The following SAFB variants were observed in gnomAD, a reference collection of about 807,000 sequenced individuals.
SAFB encodes scaffold attachment factor B.
In SAFB, 15 loss-of-function variants were observed where a neutral mutation model predicts 101.6. The observed-to-expected ratio is 0.15, with a 90% CI of 0.10 to 0.23. SAFB has a LOEUF of 0.23. Ranked by LOEUF, SAFB falls within the 10% of genes least tolerant of loss-of-function variation. The pLI, the probability that SAFB is intolerant of heterozygous loss-of-function variation, is 1.00. For missense variants in SAFB, 930 were observed against 1,104.1 expected (o/e 0.84, Z 2.23); for synonymous variants, 449 against 407.5 (o/e 1.10, Z -1.23).
chr19:5,623,830 T>G (rs1335813107), intron 1 of SAFB: 1 of 164,904 alleles, frequency 6.1e-6, no homozygotes, highest in African/African-American at 2.4e-5. Context: ...ATTCGGCTGC[T>G]TGGTTTCCCC....
chr19:5,631,948 G>T (rs768323834), intron 2 of SAFB, among the ~76,000 whole-genome samples: 2 of 152,178 alleles, frequency 1.3e-5, no homozygotes, highest in Admixed American at 6.5e-5. Flanking sequence ...TCAGGAGACT[G>T]AGGTGGGAGG....
At chr19:5,652,996 T>TC in intron 9 of SAFB, 119 bp from the exon 10 acceptor site, 1 of 954,008 alleles carries the variant, frequency 1.0e-6, no homozygotes, top group Non-Finnish European at 1.6e-6. Context: ...AGCATTGTCC[T>TC]CCCCAGTCTA....
intron 6 of SAFB, 117 bp from the exon 7 acceptor site, chr19:5,648,872 G>A: frequency 2.1e-6 from 1 of 473,674 alleles, no homozygotes; most frequent in Non-Finnish European, 4.0e-6. Context: ...TCCAATCTCT[G>A]TGTAGCTAGC....
Position 5,623,106 on chromosome 19 carries a change from CTG to C in SAFB, c.-99_-98del. The C allele has an allele frequency of 8.1e-7, 1 of 1,240,214 alleles. No homozygotes were observed. The highest frequency in any genetic ancestry group is 1.1e-6 in the Non-Finnish European group (1 of 883,742). 76.8% of individuals were successfully genotyped at this position (1,240,214 alleles called of 1,614,324 possible). On this transcript the variant is annotated 5_prime_UTR_variant, in exon 1 of 21. Coordinates refer to ENST00000588852, the MANE Select transcript of SAFB (RefSeq NM_001201338.2). ...GCAGAAGCGAGGCGCGCTGGGGCGA[CTG>C]GAGCGGTTCCCTCGCAGGCGGCGCC...
chr19:5,649,941 C>T lies in SAFB; in HGVS notation c.1164C>T (p.Asp388=). 6.2e-7 allele frequency: 1 copy of T among 1,613,978 alleles called. No homozygotes were observed. Among genetic ancestry groups the T allele is most frequent in the South Asian group, 1.1e-5 (1 of 91,088 alleles). Residue 388 remains aspartate, a synonymous_variant, in exon 8 of 21, where the codon GAC becomes GAT. Coordinates refer to ENST00000588852, the MANE Select transcript of SAFB (RefSeq NM_001201338.2). ...TTGTCTCTAGTTCTCCCGAAGATGACTCGGATACAAAAAGGCTTTCCAAAG... is the reference window on the plus strand; with the variant it reads ...TTGTCTCTAGTTCTCCCGAAGATGATTCGGATACAAAAAGGCTTTCCAAAG... ...ADQKMSSPED[D]SDTKRLSKEE... is the part of the protein sequence containing the mutation.
intron 2 of SAFB, among the ~76,000 whole-genome samples, chr19:5,627,612 A>T (rs556889059): frequency 7.9e-5 from 12 of 152,172 alleles, no homozygotes; most frequent in African/African-American, 2.7e-4. Context: ...TCACCATCTT[A>T]CCGAAATCTC....
chr19:5,650,989 TGTG>T lies in SAFB; in HGVS notation c.1213_1215del (p.Gly405del), dbSNP rs762859329. 3.1e-6 allele frequency: 5 copies of T among 1,601,824 alleles called. No homozygotes were observed. The Admixed American group carries it at 5.1e-5, about 16-fold the overall frequency. The stretch of plus-strand genomic sequence containing the variant: ...TTCTTTTGAAATAGGTCGCAGCAGT[TGTG>T]GTAGAAATTTCTGGGTTAGTGGACT... On this transcript the variant is annotated inframe_deletion, in exon 9 of 21. Coordinates refer to ENST00000588852, the MANE Select transcript of SAFB (RefSeq NM_001201338.2).
intron 5 of SAFB, among the ~76,000 whole-genome samples, chr19:5,646,842 G>T (rs191743644): frequency 1.3e-5 from 2 of 152,324 alleles, no homozygotes; most frequent in East Asian, 3.9e-4. Context: ...CGTGGGGCCT[G>T]GCCTGATGGT....
rs768350146 is a variant in SAFB at position 5,623,211 on chromosome 19, G to T, written c.6G>T (p.Ala2=). 3 of 1,589,992 alleles carry T rather than the reference G, an allele frequency of 1.9e-6. No individual in the cohort carries two copies. Among genetic ancestry groups the T allele is most frequent in the Non-Finnish European group, 2.6e-6 (3 of 1,168,812 alleles). M[A]ETLSGLGDSG... Reference sequence around the variant, plus strand: ...GCGGAGCCAGGGTCCCTGGAATGGCGGAGACTCTGTCAGGCCTAGGTGATT... The same window carrying T: ...GCGGAGCCAGGGTCCCTGGAATGGCTGAGACTCTGTCAGGCCTAGGTGATT... The change falls in exon 1 of 21, where the codon GCG becomes GCT. Residue 2 remains alanine (A), a synonymous_variant. Transcript: ENST00000588852.
At chr19:5,629,512 C>T (rs1398542825) in intron 2 of SAFB, among the ~76,000 whole-genome samples, 1 of 152,086 alleles carries the variant, frequency 6.6e-6, no homozygotes, top group African/African-American at 2.4e-5. Context: ...TACAAAATCT[C>T]ACTGTTTTTT....
chr19:5,642,712 G>A (rs1000740553), intron 4 of SAFB, among the ~76,000 whole-genome samples: 5 of 131,588 alleles, frequency 3.8e-5, no homozygotes, highest in African/African-American at 1.4e-4. Context: ...GCCCAGGCTG[G>A]AGTGCAGTGG....
intron 1 of SAFB, chr19:5,624,126 C>T (rs1038070422): frequency 6.6e-6 from 1 of 151,272 alleles, no homozygotes; most frequent in African/African-American, 2.4e-5. Context: ...TCCCCCAGCT[C>T]CGTCAGTCTC....
intron 2 of SAFB, among the ~76,000 whole-genome samples, chr19:5,629,966 T>C (rs1458572201): frequency 6.6e-6 from 1 of 152,138 alleles, no homozygotes; most frequent in Non-Finnish European, 1.5e-5. Flanking sequence ...AGCTTGAACC[T>C]GGGAGACTGA....
At chr19:5,657,396 A>C in intron 14 of SAFB, 49 bp downstream of exon 14, 1 of 1,290,078 alleles carries the variant, frequency 7.8e-7, no homozygotes, top group South Asian at 1.2e-5. Flanking sequence ...GAATGTGGTC[A>C]TGACTGTCTT....
intron 2 of SAFB, among the ~76,000 whole-genome samples, chr19:5,632,371 C>T (rs976567313): frequency 3.2e-4 from 48 of 152,118 alleles, no homozygotes; most frequent in African/African-American, 9.9e-4. Flanking sequence ...TTTACTAGAC[C>T]GCATGGTAAG....
At chr19:5,623,564 G>T (rs140387136) in intron 1 of SAFB, among the ~76,000 whole-genome samples, 170 bp downstream of exon 1, 1 of 152,282 alleles carries the variant, frequency 6.6e-6, no homozygotes, top group Non-Finnish European at 1.5e-5. Flanking sequence ...TTCCTTGGCC[G>T]GCTGGGCCTG....
chr19:5,658,143 G>A lies in SAFB; in HGVS notation c.1862+796G>A, dbSNP rs192456261. ...CTCCCAAGTAGCTGGGACTACAGGC[G>A]CAAGCCACCACACCCGGCTCATTTT... is the stretch of plus-strand genomic sequence containing the variant. On this transcript the variant is annotated intron_variant, in intron 14 of 20. Transcript: ENST00000588852. Among the ~76,000 whole-genome samples, 238 of 152,024 alleles carry A rather than the reference G, an allele frequency of 1.6e-3. 1 individual carries two copies. Among genetic ancestry groups the A allele is most frequent in the African/African-American group, 5.5e-3 (227 of 41,480 alleles).
rs1394674693 is a variant in SAFB, at chr19:5,661,608, G to A, written c.1953G>A (p.Arg651=). The A allele has an allele frequency of 8.7e-6, 14 of 1,612,690 alleles. No individual in the cohort carries two copies. The highest frequency in any genetic ancestry group is 1.3e-5 in the African/African-American group (1 of 74,926). The change falls in exon 15 of 21, where the codon AGG becomes AGA. Residue 651 remains arginine, a synonymous_variant. Transcript: ENST00000588852. ...ERERLEIARE[R]LAFQRQRLER... is the part of the protein sequence containing the mutation. The stretch of plus-strand genomic sequence containing the variant: ...AGCGGCTGGAGATTGCCCGAGAGAG[G>A]CTGGCCTTCCAGCGCCAGCGGCTGG...
At chr19:5,660,677 G>C (rs1284629704) in intron 14 of SAFB, among the ~76,000 whole-genome samples, 1 of 125,696 alleles carries the variant, frequency 8.0e-6, no homozygotes, top group African/African-American at 3.1e-5. Flanking sequence ...TCAGGAGTTC[G>C]AGAACAGCCT....
Sources: gnomAD v4.1 joint callset for allele counts (sites outside exome capture counted in the v4.1 genomes callset) on GRCh38, gnomAD v4.1.1 for gene constraint, MANE v1.5 for transcripts, NCBI Gene and HGNC (gene_info 2026-07-23, HGNC 2026-07-21) for gene names.